Variants in PLCH1 observed in about 807,000 individuals in gnomAD.
The protein encoded by PLCH1 is phospholipase C eta 1, also known as 1-phosphatidylinositol 4,5-bisphosphate phosphodiesterase eta-1.
In PLCH1, 60 loss-of-function variants were observed where a neutral mutation model predicts 126.7. The observed-to-expected ratio is 0.47, with a 90% CI of 0.38 to 0.59. The LOEUF is 0.59. PLCH1 is among the 20% of genes least tolerant of loss of function. The pLI, the probability that PLCH1 is intolerant of heterozygous loss-of-function variation, is 0.00. For missense variants in PLCH1, 1,723 were observed against 2,040.0 expected (o/e 0.84, Z 2.99); for synonymous variants, 719 against 734.9 (o/e 0.98, Z 0.35).
chr3:155,565,055 T>C lies in PLCH1; in HGVS notation c.929A>G (p.Tyr310Cys). The change falls in exon 8 of 23, where the codon TAC (tyrosine) becomes TGC (cysteine). Residue 310 changes from tyrosine to cysteine, a missense_variant. Physicochemically the swap from Tyr to Cys is radical, Grantham distance 194 (BLOSUM62 -2). Transcript: ENST00000460012. ...GCAGAGGGGCTGATCCATGTCTTGG[T>C]ACACTTCATGGTGCAATGGGTTAAA... ...DIFNPLHHEV[Y>C]QDMDQPLCNY... is the part of the protein sequence containing the mutation. 3 of 1,613,592 alleles carry C rather than the reference T, an allele frequency of 1.9e-6. No individual in the cohort carries two copies. Among genetic ancestry groups the C allele is most frequent in the Admixed American group, 3.3e-5 (2 of 60,004 alleles).
At chr3:155,621,627 A>G (rs1204109302) in intron 2 of PLCH1, among the ~76,000 whole-genome samples, 5 of 152,242 alleles carry the variant, frequency 3.3e-5, no homozygotes, top group African/African-American at 1.2e-4. Flanking sequence ...ACAAGTATCA[A>G]TAGCCGAATC....
rs55712257 is a variant in PLCH1, at chr3:155,528,229, CAAA to C, written c.1363-4228_1363-4226del. Reference sequence around the variant, plus strand: ...ACAGAGCGAGACTCCGTCTCCCCACCAAAAAAAAAAAAAAAAAAAAGTTGGGAT... The same window carrying C: ...ACAGAGCGAGACTCCGTCTCCCCACCAAAAAAAAAAAAAAAAAGTTGGGAT... On this transcript the variant is annotated intron_variant, in intron 10 of 22. Transcript: ENST00000460012. Among the ~76,000 whole-genome samples the C allele has an allele frequency of 8.4e-3, 1,039 of 124,390 alleles. 15 individuals are homozygous for C. The highest frequency in any genetic ancestry group is 0.035 in the Admixed American group (431 of 12,288). The allele number at this position is 124,390 out of a possible 152,430, so 81.6% of individuals were successfully genotyped here.
At chr3:155,646,811 G>C (rs1740115535) in intron 2 of PLCH1, among the ~76,000 whole-genome samples, 1 of 152,078 alleles carries the variant, frequency 6.6e-6, no homozygotes, top group Admixed American at 6.5e-5. Context: ...TCTATACTCT[G>C]AAAAGATAAA....
chr3:155,490,145 T>C (rs1715955450), intron 19 of PLCH1, among the ~76,000 whole-genome samples: 1 of 152,220 alleles, frequency 6.6e-6, no homozygotes, highest in East Asian at 1.9e-4. Flanking sequence ...GCTTCAAATG[T>C]ATTTTACAGT....
In PLCH1 at chr3:155,523,940, C is replaced by T. The variant is rs768812819; in HGVS notation, c.1427G>A (p.Ser476Asn). 6.2e-7 allele frequency: 1 copy of T among 1,609,912 alleles called. No individual in the cohort carries two copies. The highest frequency in any genetic ancestry group is 1.3e-5 in the African/African-American group (1 of 74,924). The change falls in exon 11 of 23, where the codon AGT becomes AAT. Residue 476 changes from serine to asparagine, a missense_variant. Ser to Asn is a conservative substitution (Grantham distance 46). Transcript: ENST00000460012. ...GCACTCGTCTTCAATTTCATCTGCA[C>T]TGTCCTCATCAGAAACTTCCCCTTC... ...AEEGEVSDED[S>N]ADEIEDECKF...
intron 2 of PLCH1, among the ~76,000 whole-genome samples, chr3:155,606,572 T>C (rs1734391023): frequency 6.6e-6 from 1 of 152,248 alleles, no homozygotes; most frequent in Admixed American, 6.5e-5. Context: ...ACTATTGCTC[T>C]GTAGTAGTAA....
chr3:155,628,041 A>G (rs1559865897), intron 2 of PLCH1, among the ~76,000 whole-genome samples: 2 of 152,280 alleles, frequency 1.3e-5, no homozygotes, highest in African/African-American at 4.8e-5. Flanking sequence ...TGCTGGGATT[A>G]CAGGTGTGAG....
chr3:155,514,283 T>C (rs1720005693), intron 12 of PLCH1, among the ~76,000 whole-genome samples: 1 of 152,190 alleles, frequency 6.6e-6, no homozygotes, highest in African/African-American at 2.4e-5. Flanking sequence ...CAACCATCAA[T>C]GCAGAGTGAT....
In PLCH1 at chr3:155,523,981, A is replaced by T; in HGVS notation, c.1386T>A (p.Leu462=). 2 of 1,601,876 alleles carry T rather than the reference A, an allele frequency of 1.2e-6. No individual in the cohort carries two copies. The highest frequency in any genetic ancestry group is 1.7e-6 in the Non-Finnish European group (2 of 1,170,520). ...LVKGKKLPYH[L]GDDAEEGEVS... Reference sequence around the variant, plus strand: ...CTTCCCCTTCCTCTGCATCATCCCCAAGGTGATAAGGCAACTTCTTACCCT... The same window carrying T: ...CTTCCCCTTCCTCTGCATCATCCCCTAGGTGATAAGGCAACTTCTTACCCT... The change falls in exon 11 of 23, where the codon CTT becomes CTA. Residue 462 remains leucine (L), a synonymous_variant. Transcript: ENST00000460012.
chr3:155,736,385 G>T (rs1053727192), intron 1 of PLCH1, among the ~76,000 whole-genome samples: 2 of 152,206 alleles, frequency 1.3e-5, no homozygotes, highest in African/African-American at 4.8e-5. Context: ...AAGAAGAAAA[G>T]ATTCCTGTGA....
intron 10 of PLCH1, among the ~76,000 whole-genome samples, chr3:155,542,942 A>C (rs946534610): frequency 1.5e-4 from 23 of 152,174 alleles, no homozygotes; most frequent in Non-Finnish European, 2.5e-4. Flanking sequence ...TGGGGAAAAA[A>C]CAGAGCAGAA....
intron 2 of PLCH1, among the ~76,000 whole-genome samples, chr3:155,622,916 A>C (rs1346518443): frequency 2.0e-5 from 3 of 152,200 alleles, no homozygotes; most frequent in African/African-American, 7.2e-5. Context: ...AGCAGACCTA[A>C]TAGACATCTA....
intron 1 of PLCH1, chr3:155,742,261 A>G (rs1045891085): frequency 3.9e-5 from 6 of 152,236 alleles, no homozygotes; most frequent in African/African-American, 1.4e-4. Context: ...GAATTTTCAC[A>G]GTATTTTACA....
chr3:155,572,574 CT>C (rs1431552418), intron 6 of PLCH1, among the ~76,000 whole-genome samples: 2 of 152,102 alleles, frequency 1.3e-5, no homozygotes, highest in Non-Finnish European at 2.9e-5. Context: ...AGAATCTTAC[CT>C]TTCCATGCTA....
intron 2 of PLCH1, among the ~76,000 whole-genome samples, chr3:155,670,387 A>T (rs1417505207): frequency 6.6e-6 from 1 of 152,140 alleles, no homozygotes; most frequent in Non-Finnish European, 1.5e-5. Flanking sequence ...ATTCACATGG[A>T]TTTTAAAGAA....
chr3:155,587,746 T>G (rs189639), intron 4 of PLCH1, among the ~76,000 whole-genome samples: 74,646 of 152,114 alleles, frequency 0.49, 21,336 homozygotes, highest in Non-Finnish European at 0.65. Flanking sequence ...CTTGGGTTGC[T>G]TTACATAGTG....
chr3:155,530,389 G>A (rs560146000), intron 10 of PLCH1, among the ~76,000 whole-genome samples: 5 of 149,696 alleles, frequency 3.3e-5, no homozygotes, highest in Admixed American at 1.3e-4. Context: ...GCAGTGGTGC[G>A]ATCTGCAAGC....
chr3:155,461,049 A>C (rs1712705941), intron 21 of PLCH1, among the ~76,000 whole-genome samples: 1 of 152,226 alleles, frequency 6.6e-6, no homozygotes, highest in Non-Finnish European at 1.5e-5. Flanking sequence ...ATTTGTAAGG[A>C]CAGCAGTAAA....
chr3:155,456,632 C>A (rs755550060), intron 21 of PLCH1: 1 of 152,272 alleles, frequency 6.6e-6, no homozygotes, highest in Non-Finnish European at 1.5e-5. Flanking sequence ...TTAACATACC[C>A]AGAGGAAACT....
Sources: allele counts gnomAD v4.1 joint callset (sites outside exome capture counted in the v4.1 genomes callset), GRCh38; gene constraint gnomAD v4.1.1; transcripts MANE v1.5; gene names NCBI Gene and HGNC (gene_info 2026-07-23, HGNC 2026-07-21).